The following GPR89A variants were observed in gnomAD, a reference collection of about 807,000 sequenced individuals.
The protein encoded by GPR89A is G protein-coupled receptor 89A.
In GPR89A, 16 loss-of-function variants were observed where a neutral mutation model predicts 52.0. The ratio of observed to expected loss-of-function variants is 0.31; its 90% confidence interval spans 0.21 to 0.47. GPR89A has a LOEUF of 0.47. Among genes scored for constraint, GPR89A ranks in the 20% least tolerant of loss-of-function variants. GPR89A has a pLI of 1.00. For synonymous variants in GPR89A, 55 were observed against 150.9 expected, an observed-to-expected ratio of 0.36 and a Z score of 4.66; for missense variants, 135 against 449.4, an observed-to-expected ratio of 0.30 and a Z score of 6.33.
Position 145,654,686 on chromosome 1 carries a change from C to G in GPR89A, c.909+7419C>G, listed in dbSNP as rs1244730012. ...AGGTGACCTGTCCTTTCTGGCTGCC[C>G]TTAACATTTTTTCCTTCATTTCGAC... is the stretch of plus-strand genomic sequence containing the variant. On this transcript the variant is annotated intron_variant, in intron 10 of 13. Coordinates refer to ENST00000313835, the MANE Select transcript of GPR89A (RefSeq NM_001097612.2). Among the ~76,000 whole-genome samples the G allele has an allele frequency of 2.0e-4, 30 of 151,778 alleles. 2 individuals are homozygous for G. In the Middle Eastern group the frequency reaches 0.014, roughly 69 times the overall value.
At chr1:145,648,768 A>ACTGCACCCAGCCAGCATG (rs1651230814) in intron 10 of GPR89A, among the ~76,000 whole-genome samples, 3 of 147,022 alleles carry the variant, frequency 2.0e-5, no homozygotes, top group East Asian at 2.0e-4. Flanking sequence ...GGCGTGAGCC[A>ACTGCACCCAGCCAGCATG]TCATCACACC....
intron 10 of GPR89A, among the ~76,000 whole-genome samples, chr1:145,656,467 T>A (rs1157940201): frequency 6.6e-6 from 1 of 152,134 alleles, no homozygotes; most frequent in East Asian, 1.9e-4. Flanking sequence ...TTTTCCTCGC[T>A]CTCCGTGGGT....
chr1:145,611,103 C>A (rs1370898801), intron 1 of GPR89A, among the ~76,000 whole-genome samples: 1 of 150,900 alleles, frequency 6.6e-6, no homozygotes, highest in Non-Finnish European at 1.5e-5. Context: ...TTTTTGGATC[C>A]TCTATAATCT....
chr1:145,645,857 C>T, intron 8 of GPR89A: 3 of 432,000 alleles, frequency 6.9e-6, no homozygotes, highest in South Asian at 4.2e-5. Flanking sequence ...AGTTATTATT[C>T]TGTAACTATT....
At chr1:145,619,999 A>G (rs1649014334) in intron 3 of GPR89A, among the ~76,000 whole-genome samples, 1 of 152,038 alleles carries the variant, frequency 6.6e-6, no homozygotes, top group Non-Finnish European at 1.5e-5. Flanking sequence ...TGGGCGACAG[A>G]GCAAGACTCC....
intron 10 of GPR89A, among the ~76,000 whole-genome samples, chr1:145,650,077 C>T (rs1405430702): frequency 1.3e-5 from 2 of 151,744 alleles, no homozygotes; most frequent in African/African-American, 2.4e-5. Flanking sequence ...CATCTATCAA[C>T]CCATCACCTA....
chr1:145,639,806 A>G (rs1279053590), intron 7 of GPR89A, among the ~76,000 whole-genome samples: 12 of 151,048 alleles, frequency 7.9e-5, no homozygotes, highest in Non-Finnish European at 8.9e-5. Context: ...CTAATTTTTG[A>G]CAAAGATGCA....
At chr1:145,659,424 A>G (rs1553695128) in intron 10 of GPR89A, among the ~76,000 whole-genome samples, 1 of 151,936 alleles carries the variant, frequency 6.6e-6, no homozygotes, top group East Asian at 1.9e-4. Flanking sequence ...TAACCTTGTG[A>G]TCCACCCGCC....
intron 8 of GPR89A, chr1:145,645,645 A>G (rs1450026939): frequency 6.6e-6 from 3 of 453,832 alleles, no homozygotes; most frequent in African/African-American, 6.0e-5. Context: ...TAACTCTCTG[A>G]GCTTCACTTT....
chr1:145,659,073 A>G (rs1448807164), intron 10 of GPR89A, among the ~76,000 whole-genome samples: 2 of 152,074 alleles, frequency 1.3e-5, no homozygotes, highest in Admixed American at 6.5e-5. Flanking sequence ...CACCATGCCC[A>G]GCCTCGTGTA....
At chr1:145,629,939 T>C (rs1399162055) in intron 5 of GPR89A, among the ~76,000 whole-genome samples, 4 of 152,204 alleles carry the variant, frequency 2.6e-5, no homozygotes, top group Non-Finnish European at 5.9e-5. Context: ...GTGAATTCTA[T>C]CCTAGAAATA....
At chr1:145,635,812 A>T (rs1402515438) in intron 7 of GPR89A, among the ~76,000 whole-genome samples, 1 of 152,242 alleles carries the variant, frequency 6.6e-6, no homozygotes, top group Non-Finnish European at 1.5e-5. Flanking sequence ...TACAAAAATT[A>T]TCTGGGCATA....
At chr1:145,650,634 C>T (rs1218159790) in intron 10 of GPR89A, among the ~76,000 whole-genome samples, 2 of 151,058 alleles carry the variant, frequency 1.3e-5, no homozygotes, top group Non-Finnish European at 2.9e-5. Flanking sequence ...TCTCTGTAGC[C>T]TCGCCAGCAT....
intron 3 of GPR89A, among the ~76,000 whole-genome samples, chr1:145,619,932 C>G (rs1489412916): frequency 2.6e-5 from 4 of 151,806 alleles, no homozygotes; most frequent in African/African-American, 7.3e-5. Flanking sequence ...GGAGAATGGC[C>G]TGAACCCAGG....
At chr1:145,608,878 T>C (rs1351919800) in intron 1 of GPR89A, among the ~76,000 whole-genome samples, 2 of 150,956 alleles carry the variant, frequency 1.3e-5, no homozygotes, top group Non-Finnish European at 3.0e-5. Flanking sequence ...TAAGACACTG[T>C]CTCTGCTCAA....
At chr1:145,608,272 C>T (rs368878922) in intron 1 of GPR89A, 97 bp downstream of exon 1, 85 of 1,519,432 alleles carry the variant, frequency 5.6e-5, no homozygotes, top group South Asian at 4.7e-4. Context: ...GGGTCTCGCT[C>T]CTCTCTTACG....
chr1:145,655,192 TATA>T (rs1651729205), intron 10 of GPR89A, among the ~76,000 whole-genome samples: 1 of 151,914 alleles, frequency 6.6e-6, no homozygotes, highest in South Asian at 2.1e-4. Context: ...TAACAGCTCC[TATA>T]ATGTTTTATC....
At position 145,619,744 on chromosome 1, in the gene GPR89A, G is replaced by A. The variant is rs587741654; in HGVS notation, c.206+1321G>A. Among the ~76,000 whole-genome samples the A allele has an allele frequency of 2.6e-5, 4 of 151,620 alleles. No individual in the cohort carries two copies. The East Asian group carries it at 5.9e-4, about 22-fold the overall frequency. On this transcript the variant is annotated intron_variant, in intron 3 of 13. Coordinates refer to ENST00000313835, the MANE Select transcript of GPR89A (RefSeq NM_001097612.2). The stretch of plus-strand genomic sequence containing the variant: ...AATAATCCAAACCTTGGCCGGGCAC[G>A]GTGGCTCACGCCTGTAATCCCAGCA...
intron 11 of GPR89A, among the ~76,000 whole-genome samples, chr1:145,665,360 G>A (rs61813310): frequency 0.03 from 4,505 of 151,920 alleles, 107 homozygotes; most frequent in Non-Finnish European, 0.047. Flanking sequence ...AATTAAGTCT[G>A]CTAATTAAGG....
Sources: gnomAD v4.1 joint callset for allele counts (sites outside exome capture counted in the v4.1 genomes callset) on GRCh38, gnomAD v4.1.1 for gene constraint, MANE v1.5 for transcripts, NCBI Gene and HGNC (gene_info 2026-07-23, HGNC 2026-07-21) for gene names.